ROBO1: variants seen among roughly 807,000 people sequenced by gnomAD.
The protein encoded by ROBO1 is roundabout homolog 1.
A neutral mutation model predicts 195.9 loss-of-function variants in ROBO1; 149 were observed. The observed-to-expected ratio is 0.76, with a 90% CI of 0.67 to 0.87. The LOEUF (loss-of-function observed/expected upper bound fraction) is 0.87, where lower values mean the gene tolerates loss of function less well. Among genes scored for constraint, ROBO1 ranks in the 40% least tolerant of loss-of-function variants. ROBO1 has a pLI of 0.00. For synonymous variants in ROBO1, 816 were observed against 733.2 expected (o/e 1.11, Z -1.82); for missense variants, 1,933 against 2,068.3 (o/e 0.93, Z 1.27).
rs930230861 is a variant in ROBO1 at position 78,693,474 on chromosome 3, G to A, written c.1046-4702C>T. The A allele has an allele frequency of 5.4e-6, 4 of 737,152 alleles. No individual in the cohort carries two copies. The African/African-American group carries it at 7.1e-5, about 13-fold the overall frequency. The allele number at this position is 737,152 out of a possible 1,614,324, so 45.7% of individuals were successfully genotyped here. On this transcript the variant is annotated intron_variant, in intron 8 of 30. Transcript: ENST00000464233. Reference sequence around the variant, plus strand: ...ATTCTTCTTTTAAGATAAAGAACATGTTAATACTTGAATATATGGCTCACA... The same window carrying A: ...ATTCTTCTTTTAAGATAAAGAACATATTAATACTTGAATATATGGCTCACA...
intron 2 of ROBO1, among the ~76,000 whole-genome samples, chr3:79,289,086 G>A (rs1391021879): frequency 6.9e-6 from 1 of 144,420 alleles, no homozygotes; most frequent in African/African-American, 2.7e-5. Context: ...AAGTCCAGGT[G>A]AAATCATTTT....
intron 3 of ROBO1, among the ~76,000 whole-genome samples, chr3:79,033,424 T>C (rs1381619113): frequency 7.9e-5 from 12 of 152,144 alleles, no homozygotes; most frequent in Admixed American, 5.2e-4. Flanking sequence ...GCATTCTTTA[T>C]ATATGATTCA....
intron 1 of ROBO1, among the ~76,000 whole-genome samples, chr3:79,678,048 T>A (rs1946837610): frequency 6.6e-6 from 1 of 152,122 alleles, no homozygotes; most frequent in Non-Finnish European, 1.5e-5. Flanking sequence ...CAATGAATAT[T>A]AGCTCTTGAT....
chr3:79,056,236 C>T (rs2078805608), intron 3 of ROBO1, among the ~76,000 whole-genome samples: 1 of 152,064 alleles, frequency 6.6e-6, no homozygotes, highest in Non-Finnish European at 1.5e-5. Context: ...GAAAGTACTT[C>T]CTTAGGGAAT....
chr3:78,744,099 T>G (rs1352259180), intron 5 of ROBO1, among the ~76,000 whole-genome samples: 1 of 152,186 alleles, frequency 6.6e-6, no homozygotes, highest in African/African-American at 2.4e-5. Flanking sequence ...TGTCTAAAAC[T>G]AAGCTCCTGA....
At chr3:78,634,838 T>C (rs1705397787) in intron 23 of ROBO1, among the ~76,000 whole-genome samples, 1 of 152,190 alleles carries the variant, frequency 6.6e-6, no homozygotes, top group Non-Finnish European at 1.5e-5. Flanking sequence ...TAAAACATAA[T>C]ATTAACTTAA....
intron 3 of ROBO1, among the ~76,000 whole-genome samples, chr3:78,955,363 C>T (rs542703733): frequency 1.3e-5 from 2 of 152,194 alleles, no homozygotes; most frequent in South Asian, 2.1e-4. Flanking sequence ...TCTCTCCTCC[C>T]AACCTTCACC....
intron 1 of ROBO1, among the ~76,000 whole-genome samples, chr3:79,679,126 A>C (rs1459852693): frequency 6.6e-6 from 1 of 152,152 alleles, no homozygotes; most frequent in Non-Finnish European, 1.5e-5. Context: ...ACAATTAGTA[A>C]CATTTTGATA....
At position 79,637,384 on chromosome 3, in the gene ROBO1, CA is replaced by C. The variant is rs71130603; in HGVS notation, c.-50-47424del. On this transcript the variant is annotated intron_variant, in intron 1 of 30. Coordinates refer to ENST00000464233, the MANE Select transcript of ROBO1 (RefSeq NM_002941.4). The stretch of plus-strand genomic sequence containing the variant: ...TTTTATACTTTCATTTTATAAGTAG[CA>C]AAAAAAAAAAAAAATTAAAATGTGA... Among the ~76,000 whole-genome samples the C allele has an allele frequency of 3.2e-3, 424 of 131,510 alleles. 2 individuals are homozygous for C. Among genetic ancestry groups the C allele is most frequent in the African/African-American group, 7.4e-3 (264 of 35,642 alleles). 86.3% of individuals were successfully genotyped at this position (131,510 alleles called of 152,430 possible).
intron 2 of ROBO1, among the ~76,000 whole-genome samples, chr3:79,580,062 T>C (rs1325604374): frequency 6.6e-6 from 1 of 152,144 alleles, no homozygotes; most frequent in Non-Finnish European, 1.5e-5. Flanking sequence ...TTATATATTC[T>C]ATAGAGTTAT....
intron 4 of ROBO1, among the ~76,000 whole-genome samples, chr3:78,890,496 G>A (rs570976969): frequency 1.3e-5 from 2 of 152,148 alleles, no homozygotes; most frequent in East Asian, 1.9e-4. Context: ...AGAAGTAAAC[G>A]TTGGTTGTTT....
intron 4 of ROBO1, among the ~76,000 whole-genome samples, chr3:78,922,225 C>T (rs776839361): frequency 9.2e-5 from 14 of 152,034 alleles, no homozygotes; most frequent in Non-Finnish European, 1.0e-4. Context: ...AAAAACTAAC[C>T]TCTCACCTGA....
intron 1 of ROBO1, among the ~76,000 whole-genome samples, chr3:79,747,693 A>G (rs1352305601): frequency 1.3e-5 from 2 of 152,076 alleles, no homozygotes; most frequent in Admixed American, 1.3e-4. Flanking sequence ...ACATCCCAGG[A>G]AAACTGAGAG....
intron 2 of ROBO1, among the ~76,000 whole-genome samples, chr3:79,399,280 T>C (rs2037271614): frequency 6.6e-6 from 1 of 152,098 alleles, no homozygotes; most frequent in Non-Finnish European, 1.5e-5. Context: ...TGCAAGTTGC[T>C]TCCCATTCCA....
At chr3:79,621,170 G>A (rs1310437386) in intron 1 of ROBO1, among the ~76,000 whole-genome samples, 1 of 152,066 alleles carries the variant, frequency 6.6e-6, no homozygotes, top group African/African-American at 2.4e-5. Flanking sequence ...CTGTACTGCT[G>A]CAAGGCTTCA....
chr3:79,450,826 T>C (rs2039420066), intron 2 of ROBO1, among the ~76,000 whole-genome samples: 1 of 151,920 alleles, frequency 6.6e-6, no homozygotes, highest in Admixed American at 6.6e-5. Context: ...ATATGTCCAA[T>C]GATTATCAGG....
At position 78,874,807 on chromosome 3, in the gene ROBO1, T is replaced by G. The variant is rs554626790; in HGVS notation, c.499+63794A>C. ...CATAAACCACAATAGTTGTCTCAAA[T>G]TATTTATGTTGTCAAAATAACAATA... is the stretch of plus-strand genomic sequence containing the variant. On this transcript the variant is annotated intron_variant, in intron 4 of 30. Transcript: ENST00000464233. 1.7e-4 allele frequency among the ~76,000 whole-genome samples: 26 copies of G among 152,058 alleles called. No individual in the cohort carries two copies. The South Asian group carries it at 5.0e-3, about 29-fold the overall frequency.
intron 4 of ROBO1, among the ~76,000 whole-genome samples, chr3:78,867,772 T>C (rs1012586377): frequency 6.6e-6 from 1 of 152,094 alleles, no homozygotes; most frequent in Non-Finnish European, 1.5e-5. Context: ...AAAAGCCAAA[T>C]CAGCTACAAA....
chr3:79,375,030 T>C (rs927968533), intron 2 of ROBO1, among the ~76,000 whole-genome samples: 4 of 152,150 alleles, frequency 2.6e-5, no homozygotes, highest in African/African-American at 9.7e-5. Flanking sequence ...CAAAACATAG[T>C]TCTAAAAAAT....
Sources: allele counts gnomAD v4.1 joint callset (sites outside exome capture counted in the v4.1 genomes callset), GRCh38; gene constraint gnomAD v4.1.1; transcripts MANE v1.5; gene names NCBI Gene and HGNC (gene_info 2026-07-23, HGNC 2026-07-21).